LUC7L2: variants seen among roughly 807,000 people sequenced by gnomAD.
The protein encoded by LUC7L2 is putative RNA-binding protein Luc7-like 2.
In LUC7L2, 25 loss-of-function variants were observed where a neutral mutation model predicts 52.8. That is an observed-to-expected ratio of 0.47 (90% CI 0.34 to 0.66). LUC7L2 has a LOEUF of 0.66. Among genes scored for constraint, LUC7L2 ranks in the 30% least tolerant of loss-of-function variants. The pLI, the probability that LUC7L2 is intolerant of heterozygous loss-of-function variation, is 0.01. For synonymous variants in LUC7L2, 144 were observed against 160.9 expected (o/e 0.89, Z 0.80); for missense variants, 328 against 497.8 (o/e 0.66, Z 3.25).
chr7:139,352,470 C>T (rs761992641), intron 1 of LUC7L2, among the ~76,000 whole-genome samples: 3 of 152,116 alleles, frequency 2.0e-5, no homozygotes, highest in African/African-American at 7.2e-5. Flanking sequence ...TGCATTCACC[C>T]GGGTGACAGA....
chr7:139,351,834 C>A (rs189017828), intron 1 of LUC7L2, among the ~76,000 whole-genome samples: 5 of 152,304 alleles, frequency 3.3e-5, no homozygotes, highest in Admixed American at 3.3e-4. Context: ...ATTTCACTTT[C>A]TTTTCTTCAA....
At chr7:139,417,492 T>C (rs1795673725) in intron 8 of LUC7L2, 46 bp from the exon 9 acceptor site, 1 of 1,582,768 alleles carries the variant, frequency 6.3e-7, no homozygotes, top group Non-Finnish European at 8.6e-7. Flanking sequence ...AAATGAGAAA[T>C]ATAGTAATTA....
intron 1 of LUC7L2, among the ~76,000 whole-genome samples, chr7:139,370,083 G>C (rs1220031501): frequency 1.3e-5 from 2 of 152,108 alleles, no homozygotes; most frequent in African/African-American, 4.8e-5. Flanking sequence ...GTTTTACATA[G>C]ATCAAGACAT....
chr7:139,361,611 TAG>T (rs1799888571), intron 1 of LUC7L2, among the ~76,000 whole-genome samples: 3 of 150,882 alleles, frequency 2.0e-5, no homozygotes, highest in African/African-American at 4.9e-5. Flanking sequence ...TGTGGTTGTG[TAG>T]AGAGGAAAGA....
chr7:139,382,440 T>C (rs1285453090), intron 2 of LUC7L2, among the ~76,000 whole-genome samples: 1 of 152,156 alleles, frequency 6.6e-6, no homozygotes, highest in Admixed American at 6.6e-5. Flanking sequence ...TGGAGTGCAG[T>C]GGTGCTATCT....
At chr7:139,380,702 C>CCTG (rs1259028650) in intron 2 of LUC7L2, among the ~76,000 whole-genome samples, 1 of 152,072 alleles carries the variant, frequency 6.6e-6, no homozygotes, top group Admixed American at 6.6e-5. Context: ...CCACTTTCTC[C>CCTG]CTGCTAAACT....
rs1800640313 is a variant in LUC7L2 at position 139,375,104 on chromosome 7, G to C, written c.62-958G>C. 4.1e-6 allele frequency: 4 copies of C among 984,110 alleles called. No individual in the cohort carries two copies. The African/African-American group carries it at 7.0e-5, about 17-fold the overall frequency. The allele number at this position is 984,110 out of a possible 1,614,324, so 61.0% of individuals were successfully genotyped here. On this transcript the variant is annotated intron_variant, in intron 1 of 9. Transcript: ENST00000354926. ...GGCTTATCATTCTATATAGAAAGAGGAAACATCCTAATGAGTTTTTTCTTT... is the reference window on the plus strand; with the variant it reads ...GGCTTATCATTCTATATAGAAAGAGCAAACATCCTAATGAGTTTTTTCTTT...
At chr7:139,397,840 A>G (rs1026748473) in intron 2 of LUC7L2, among the ~76,000 whole-genome samples, 1 of 152,186 alleles carries the variant, frequency 6.6e-6, no homozygotes, top group African/African-American at 2.4e-5. Flanking sequence ...CCCTAGATTC[A>G]GTAAGAGTAT....
intron 1 of LUC7L2, chr7:139,345,806 T>C (rs1799245450): frequency 3.9e-6 from 5 of 1,296,994 alleles, no homozygotes; most frequent in South Asian, 1.7e-5. Flanking sequence ...GGTTTTTCTC[T>C]GTAATTTTGT....
chr7:139,349,488 T>G (rs1799379636), intron 1 of LUC7L2, among the ~76,000 whole-genome samples: 1 of 152,160 alleles, frequency 6.6e-6, no homozygotes, highest in Non-Finnish European at 1.5e-5. Flanking sequence ...AACTCTAAAT[T>G]GGAAGGTCCC....
At chr7:139,380,592 A>G (rs1441358479) in intron 2 of LUC7L2, among the ~76,000 whole-genome samples, 1 of 152,134 alleles carries the variant, frequency 6.6e-6, no homozygotes. Flanking sequence ...AGAGCGAGAC[A>G]CCGTTTAAAA....
Position 139,422,737 on chromosome 7 carries a change from T to TC in LUC7L2, c.*400dup, listed in dbSNP as rs1795955737. On this transcript the variant is annotated 3_prime_UTR_variant, in exon 10 of 10. Transcript: ENST00000354926. ...TAATTATTCTTCCTCTGACTTTGTA[T>TC]CCCTTAATACCTACACTCTCCAATT... is the stretch of plus-strand genomic sequence containing the variant. The TC allele has an allele frequency of 7.4e-6, 3 of 404,780 alleles. No individual in the cohort carries two copies. The East Asian group carries it at 1.1e-4, about 14-fold the overall frequency. The allele number at this position is 404,780 out of a possible 1,614,324, so 25.1% of individuals were successfully genotyped here.
At chr7:139,417,479 A>G in intron 8 of LUC7L2, 59 bp from the exon 9 acceptor site, 1 of 1,555,108 alleles carries the variant, frequency 6.4e-7, no homozygotes, top group Middle Eastern at 1.7e-4. Flanking sequence ...AAAAGGCTTT[A>G]ATAAATGAGA....
At chr7:139,415,672 T>A (rs548200053) in intron 8 of LUC7L2, among the ~76,000 whole-genome samples, 2 of 151,644 alleles carry the variant, frequency 1.3e-5, no homozygotes, top group East Asian at 3.9e-4. Context: ...TTTAAAAATT[T>A]ATTGTAGATA....
At chr7:139,341,421 G>C (rs771832282) in intron 1 of LUC7L2, 1 of 1,613,458 alleles carries the variant, frequency 6.2e-7, no homozygotes, top group South Asian at 1.1e-5. Context: ...CACTTTTCGA[G>C]GACTTCTGCG....
chr7:139,342,236 G>A (rs149446591), intron 1 of LUC7L2, among the ~76,000 whole-genome samples: 1,803 of 152,274 alleles, frequency 0.012, 19 homozygotes, highest in Middle Eastern at 0.037. Context: ...ATACAGTAAA[G>A]TACTGAGGAT....
At chr7:139,397,060 T>C (rs1794692184) in intron 2 of LUC7L2, among the ~76,000 whole-genome samples, 1 of 152,202 alleles carries the variant, frequency 6.6e-6, no homozygotes, top group South Asian at 2.1e-4. Flanking sequence ...ACAAGTTAAA[T>C]AGGCATACTC....
intron 7 of LUC7L2, among the ~76,000 whole-genome samples, chr7:139,410,316 A>G (rs965729342): frequency 2.0e-5 from 3 of 151,288 alleles, no homozygotes; most frequent in Non-Finnish European, 4.4e-5. Context: ...TTTATGATGT[A>G]TTTTGTTAAC....
Position 139,417,649 on chromosome 7 carries a change from C to T in LUC7L2, c.921C>T (p.Ser307=). 1 of 1,614,180 alleles carries T rather than the reference C, an allele frequency of 6.2e-7. No homozygotes were observed. Among genetic ancestry groups the T allele is most frequent in the Non-Finnish European group, 8.5e-7 (1 of 1,180,050 alleles). The part of the protein sequence containing the change: ...REKRHRHRSR[S]SSRSRSRSHQ... ...AACGCCATCGCCACAGGTCCCGCTC[C>T]AGCAGCCGTAGCCGCAGCCGTAGCC... The change falls in exon 9 of 10, where the codon TCC becomes TCT. Residue 307 remains serine, a synonymous_variant. Coordinates refer to ENST00000354926, the MANE Select transcript of LUC7L2 (RefSeq NM_016019.5).
Sources: gnomAD v4.1 joint callset for allele counts (sites outside exome capture counted in the v4.1 genomes callset) on GRCh38, gnomAD v4.1.1 for gene constraint, MANE v1.5 for transcripts, NCBI Gene and HGNC (gene_info 2026-07-23, HGNC 2026-07-21) for gene names.